Variants in PITPNB observed in about 807,000 individuals in gnomAD.
PITPNB encodes the protein phosphatidylinositol transfer protein beta.
Under a neutral mutation model 45.9 loss-of-function variants are expected in PITPNB, and 16 were observed. The observed-to-expected ratio is 0.35, with a 90% CI of 0.24 to 0.53. The LOEUF (loss-of-function observed/expected upper bound fraction) is 0.53, where lower values mean the gene tolerates loss of function less well. PITPNB is among the 20% of genes least tolerant of loss of function. The probability of loss-of-function intolerance (pLI) is 0.93; values close to 1 mark genes in which losing one functional copy is unlikely to be tolerated. For synonymous variants in PITPNB, 112 were observed against 108.9 expected, an observed-to-expected ratio of 1.03 and a Z score of -0.18; for missense variants, 188 against 330.5, an observed-to-expected ratio of 0.57 and a Z score of 3.34.
At chr22:27,912,938 G>T (rs1163475077) in intron 2 of PITPNB, among the ~76,000 whole-genome samples, 3 of 128,342 alleles carry the variant, frequency 2.3e-5, no homozygotes, top group African/African-American at 9.1e-5. Context: ...AGCTGAGATC[G>T]CAATACTGTA....
At chr22:27,918,232 TAAG>T (rs1202280129) in intron 1 of PITPNB, among the ~76,000 whole-genome samples, 2 of 152,270 alleles carry the variant, frequency 1.3e-5, no homozygotes, top group Non-Finnish European at 2.9e-5. Context: ...AAAGGAGGTT[TAAG>T]AACACTAAAA....
intron 7 of PITPNB, 25 bp from the exon 8 acceptor site, chr22:27,873,840 G>A (rs1934740587): frequency 1.3e-6 from 2 of 1,504,446 alleles, no homozygotes; most frequent in South Asian, 1.1e-5. Context: ...AAAGTCAGAG[G>A]CAGAGAAGAA....
At chr22:27,903,768 C>T (rs1321663033) in intron 3 of PITPNB, among the ~76,000 whole-genome samples, 3 of 137,450 alleles carry the variant, frequency 2.2e-5, no homozygotes, top group Non-Finnish European at 4.6e-5. Context: ...ATAGTGAGAC[C>T]CTGTCTCCCA....
intron 3 of PITPNB, among the ~76,000 whole-genome samples, chr22:27,905,452 A>C (rs1772541207): frequency 6.6e-6 from 1 of 152,182 alleles, no homozygotes; most frequent in Non-Finnish European, 1.5e-5. Flanking sequence ...CCAGCCTATT[A>C]ATTTCTTACA....
At chr22:27,908,498 C>T (rs1034516941) in intron 3 of PITPNB, among the ~76,000 whole-genome samples, 2 of 151,752 alleles carry the variant, frequency 1.3e-5, no homozygotes, top group African/African-American at 4.8e-5. Context: ...AATTTATTTA[C>T]TTATAGGATA....
intron 5 of PITPNB, 149 bp downstream of exon 5, chr22:27,896,981 A>G: frequency 1.4e-6 from 1 of 709,264 alleles, no homozygotes; most frequent in Non-Finnish European, 2.6e-6. Flanking sequence ...CACTGGGAAC[A>G]TGTGGTAGAG....
intron 11 of PITPNB, 60 bp downstream of exon 11, chr22:27,854,794 C>G: frequency 1.1e-6 from 1 of 896,554 alleles, no homozygotes; most frequent in Non-Finnish European, 1.8e-6. Context: ...AGCAAGTTAA[C>G]TGCCCATCAC....
chr22:27,918,901 G>A (rs1435336510), intron 1 of PITPNB, among the ~76,000 whole-genome samples: 1 of 152,020 alleles, frequency 6.6e-6, no homozygotes, highest in Non-Finnish European at 1.5e-5. Flanking sequence ...GGAAACTCCC[G>A]GCCGCGCCTT....
chr22:27,898,549 T>C (rs1353966435), intron 3 of PITPNB, among the ~76,000 whole-genome samples: 2 of 152,224 alleles, frequency 1.3e-5, no homozygotes, highest in African/African-American at 4.8e-5. Flanking sequence ...TCTTAAGAGT[T>C]AGATGACATT....
At chr22:27,874,539 C>T (rs1278871940) in intron 7 of PITPNB, among the ~76,000 whole-genome samples, 1 of 152,054 alleles carries the variant, frequency 6.6e-6, no homozygotes, top group Non-Finnish European at 1.5e-5. Flanking sequence ...TTCTGTTTCC[C>T]TTAGTATATC....
intron 8 of PITPNB, among the ~76,000 whole-genome samples, chr22:27,868,412 A>G (rs1934547736): frequency 6.6e-6 from 1 of 152,232 alleles, no homozygotes. Flanking sequence ...ACTGACACCA[A>G]GGGTACCAAC....
At position 27,908,071 on chromosome 22, in the gene PITPNB, A is replaced by C. The variant is rs576211987; in HGVS notation, c.197+2893T>G. On this transcript the variant is annotated intron_variant, in intron 3 of 11. Coordinates refer to ENST00000335272, the MANE Select transcript of PITPNB (RefSeq NM_012399.5). Reference sequence around the variant, plus strand: ...ATCCCCAAATAACCTCTCCGGAATAAGAATATCTCTTGCACTAACCATATT... The same window carrying C: ...ATCCCCAAATAACCTCTCCGGAATACGAATATCTCTTGCACTAACCATATT... Among the ~76,000 whole-genome samples the C allele has an allele frequency of 3.4e-4, 51 of 151,932 alleles. 1 individual carries two copies. In the South Asian group the frequency reaches 6.7e-3, roughly 20 times the overall value.
chr22:27,881,145 A>G (rs900121679), intron 7 of PITPNB, among the ~76,000 whole-genome samples: 1 of 152,230 alleles, frequency 6.6e-6, no homozygotes, highest in Admixed American at 6.5e-5. Context: ...ACATTTATTT[A>G]TATCTTCTTT....
At chr22:27,887,223 A>T (rs1935146974) in intron 7 of PITPNB, among the ~76,000 whole-genome samples, 1 of 152,192 alleles carries the variant, frequency 6.6e-6, no homozygotes, top group Non-Finnish European at 1.5e-5. Flanking sequence ...GAGGAACATG[A>T]ATTCCCAGTA....
intron 7 of PITPNB, among the ~76,000 whole-genome samples, chr22:27,874,888 G>C (rs1934776342): frequency 6.6e-6 from 1 of 152,164 alleles, no homozygotes; most frequent in Non-Finnish European, 1.5e-5. Flanking sequence ...AGTCAGATAT[G>C]AAACCTTAAC....
chr22:27,887,782 T>A (rs1935167535), intron 7 of PITPNB, among the ~76,000 whole-genome samples: 1 of 152,062 alleles, frequency 6.6e-6, no homozygotes, highest in Non-Finnish European at 1.5e-5. Context: ...CTCATGTAAT[T>A]CCCTCCCGTT....
At chr22:27,862,411 T>C (rs1329800106) in intron 8 of PITPNB, among the ~76,000 whole-genome samples, 4 of 152,224 alleles carry the variant, frequency 2.6e-5, no homozygotes, top group Non-Finnish European at 2.9e-5. Context: ...TCCTACATGA[T>C]TGATCAACTT....
chr22:27,859,799 C>G (rs966895743), intron 9 of PITPNB, among the ~76,000 whole-genome samples: 4 of 152,196 alleles, frequency 2.6e-5, no homozygotes, highest in South Asian at 2.1e-4. Context: ...TGGGCCCGCT[C>G]TCTCCCTCCA....
intron 3 of PITPNB, among the ~76,000 whole-genome samples, chr22:27,905,243 G>A (rs1935722012): frequency 1.3e-5 from 2 of 152,270 alleles, no homozygotes; most frequent in South Asian, 4.1e-4. Flanking sequence ...CACCTCCCAG[G>A]TTCAAGCAAT....
Sources: allele counts gnomAD v4.1 joint callset (sites outside exome capture counted in the v4.1 genomes callset), GRCh38; gene constraint gnomAD v4.1.1; transcripts MANE v1.5; gene names NCBI Gene and HGNC (gene_info 2026-07-23, HGNC 2026-07-21).